The following PRDM16 variants were observed in gnomAD, a reference collection of about 807,000 sequenced individuals.
PRDM16 encodes the protein PR/SET domain 16.
Under a neutral mutation model 110.6 loss-of-function variants are expected in PRDM16, and 23 were observed. The observed-to-expected ratio is 0.21, with a 90% CI of 0.15 to 0.29. The LOEUF (loss-of-function observed/expected upper bound fraction) is 0.29, where lower values mean the gene tolerates loss of function less well. Ranked by LOEUF, PRDM16 falls within the 10% of genes least tolerant of loss-of-function variation. PRDM16 has a pLI of 1.00. For missense variants in PRDM16, 1,615 were observed against 1,794.3 expected (o/e 0.90, Z 1.81); for synonymous variants, 799 against 781.8 (o/e 1.02, Z -0.37).
intron 3 of PRDM16, among the ~76,000 whole-genome samples, chr1:3,271,673 C>T (rs1640459646): frequency 6.6e-6 from 1 of 152,188 alleles, no homozygotes; most frequent in Non-Finnish European, 1.5e-5. Context: ...TGGCTCGGGG[C>T]AAGCCCAGGC....
At chr1:3,074,428 TGC>T (rs952506121) in intron 1 of PRDM16, among the ~76,000 whole-genome samples, 32 of 151,548 alleles carry the variant, frequency 2.1e-4, no homozygotes, top group Middle Eastern at 3.4e-3. Context: ...TGTGTGTGTG[TGC>T]GCGTGTGTGT....
chr1:3,112,512 G>T (rs374365003), intron 1 of PRDM16, among the ~76,000 whole-genome samples: 3 of 152,160 alleles, frequency 2.0e-5, no homozygotes, highest in African/African-American at 7.2e-5. Context: ...TTCCCGGGCC[G>T]GCTTCGCCCC....
At chr1:3,277,295 T>C (rs898089445) in intron 3 of PRDM16, among the ~76,000 whole-genome samples, 4 of 152,160 alleles carry the variant, frequency 2.6e-5, no homozygotes, top group Admixed American at 2.6e-4. Context: ...CACCCGGGGA[T>C]GGCATCGTCT....
chr1:3,423,523 G>A (rs776042170), intron 12 of PRDM16, among the ~76,000 whole-genome samples: 17 of 152,176 alleles, frequency 1.1e-4, no homozygotes, highest in African/African-American at 2.4e-4. Flanking sequence ...AGCCCCTCCC[G>A]GTCTGGGAGG....
intron 3 of PRDM16, among the ~76,000 whole-genome samples, chr1:3,380,358 A>T (rs933801365): frequency 6.6e-6 from 1 of 151,978 alleles, no homozygotes. Flanking sequence ...TTTAGGGGCC[A>T]CCAGGTGTAA....
chr1:3,398,467 A>G (rs1441065101), intron 5 of PRDM16, among the ~76,000 whole-genome samples: 3 of 152,196 alleles, frequency 2.0e-5, no homozygotes, highest in African/African-American at 7.2e-5. Flanking sequence ...AATGTTCCTC[A>G]CTAAGATAAT....
chr1:3,268,451 G>C (rs964463655), intron 3 of PRDM16, among the ~76,000 whole-genome samples: 12 of 152,232 alleles, frequency 7.9e-5, no homozygotes, highest in African/African-American at 2.7e-4. Flanking sequence ...GTTGGAGGAC[G>C]GGATGGCCAG....
chr1:3,148,736 G>A lies in PRDM16; in HGVS notation c.38-37389G>A, dbSNP rs1296194308. Among the ~76,000 whole-genome samples the A allele has an allele frequency of 1.3e-5, 2 of 152,242 alleles. No homozygotes were observed. The highest frequency in any genetic ancestry group is 4.8e-5 in the African/African-American group (2 of 41,470). On this transcript the variant is annotated intron_variant, in intron 1 of 16. Transcript: ENST00000270722. The surrounding 1 kb of genome is among the most constrained non-coding windows in gnomAD (Gnocchi z 5.0). ...CCAAAGGGTGGTGAATCTGGGCACT[G>A]CCTGGGACCATGGGGGGACCACAAT...
At chr1:3,360,619 C>T (rs1642694851) in intron 3 of PRDM16, among the ~76,000 whole-genome samples, 1 of 152,192 alleles carries the variant, frequency 6.6e-6, no homozygotes, top group Admixed American at 6.5e-5. Context: ...GGAGGAGGGC[C>T]ATCAGAGCCA....
In PRDM16 at chr1:3,246,783, G is replaced by T. The variant is rs905781993; in HGVS notation, c.438+2646G>T. The stretch of plus-strand genomic sequence containing the variant: ...CCAGGGCTCAGACTGGACCCGTTCA[G>T]TTACATTTCTAGGCACTCTCGGGGA... On this transcript the variant is annotated intron_variant, in intron 3 of 16. Coordinates refer to ENST00000270722, the MANE Select transcript of PRDM16 (RefSeq NM_022114.4). The surrounding 1 kb of genome is among the most constrained non-coding windows in gnomAD (Gnocchi z 5.2). Among the ~76,000 whole-genome samples the T allele has an allele frequency of 6.6e-6, 1 of 152,204 alleles. No homozygotes were observed. The highest frequency in any genetic ancestry group is 2.4e-5 in the African/African-American group (1 of 41,452).
intron 2 of PRDM16, among the ~76,000 whole-genome samples, chr1:3,223,128 T>TG: frequency 7.5e-6 from 1 of 133,714 alleles, no homozygotes; most frequent in East Asian, 2.2e-4. Flanking sequence ...TTTTTTTTTT[T>TG]GAGACAGAGT....
At chr1:3,291,951 C>T (rs2100360583) in intron 3 of PRDM16, among the ~76,000 whole-genome samples, 1 of 152,372 alleles carries the variant, frequency 6.6e-6, no homozygotes, top group South Asian at 2.1e-4. Flanking sequence ...ACAGCAGGTG[C>T]CTTCTCCCGG....
chr1:3,220,303 AGCAGCCGGCCAGG>A (rs1333475092), intron 2 of PRDM16, among the ~76,000 whole-genome samples: 1 of 152,166 alleles, frequency 6.6e-6, no homozygotes, highest in Non-Finnish European at 1.5e-5. Context: ...CAGGCATCAT[AGCAGCCGGCCAGG>A]GCAGCCCCAG....
At chr1:3,295,225 G>T (rs1641060849) in intron 3 of PRDM16, among the ~76,000 whole-genome samples, 1 of 152,224 alleles carries the variant, frequency 6.6e-6, no homozygotes, top group Admixed American at 6.5e-5. Context: ...GGGTATCCAG[G>T]AAAGGCATCA....
At chr1:3,305,026 T>G (rs1377600697) in intron 3 of PRDM16, among the ~76,000 whole-genome samples, 1 of 152,182 alleles carries the variant, frequency 6.6e-6, no homozygotes, top group African/African-American at 2.4e-5. Context: ...GAGTGAACTG[T>G]GTTGAGAAAC....
intron 1 of PRDM16, among the ~76,000 whole-genome samples, chr1:3,086,568 A>G (rs1441329007): frequency 6.6e-6 from 1 of 151,844 alleles, no homozygotes; most frequent in Non-Finnish European, 1.5e-5. Context: ...TGTCATCTGG[A>G]TGCTTCCTGG....
At chr1:3,127,929 T>G (rs1643243533) in intron 1 of PRDM16, 1 of 153,978 alleles carries the variant, frequency 6.5e-6, no homozygotes. Flanking sequence ...GCTGTGGCCA[T>G]GGAGGAGGGG....
chr1:3,272,234 G>A (rs1640471894), intron 3 of PRDM16, among the ~76,000 whole-genome samples: 2 of 152,238 alleles, frequency 1.3e-5, no homozygotes, highest in Non-Finnish European at 2.9e-5. Flanking sequence ...CACGGGGACA[G>A]GCGTGTGGTG....
At chr1:3,164,460 T>TGGCCAC (rs1643927635) in intron 1 of PRDM16, among the ~76,000 whole-genome samples, 1 of 152,192 alleles carries the variant, frequency 6.6e-6, no homozygotes, top group Non-Finnish European at 1.5e-5. Context: ...CCGAGGGCCA[T>TGGCCAC]GGCCACGTAC....
Sources: allele counts gnomAD v4.1 joint callset (sites outside exome capture counted in the v4.1 genomes callset), GRCh38; gene constraint gnomAD v4.1.1; non-coding constraint Gnocchi (gnomAD v3.1); transcripts MANE v1.5; gene names NCBI Gene and HGNC (gene_info 2026-07-23, HGNC 2026-07-21).